CSMD2: variants seen among roughly 807,000 people sequenced by gnomAD.
CSMD2 encodes the protein CUB and Sushi multiple domains 2, also known as CUB and sushi domain-containing protein 2.
In CSMD2, 130 loss-of-function variants were observed where a neutral mutation model predicts 398.5. The ratio of observed to expected loss-of-function variants is 0.33; its 90% CI spans 0.28 to 0.38. The LOEUF is 0.38. Ranked by LOEUF, CSMD2 falls within the 10% of genes least tolerant of loss-of-function variation. The pLI, the probability that CSMD2 is intolerant of heterozygous loss-of-function variation, is 1.00. For missense variants in CSMD2, 3,829 were observed against 4,764.9 expected, an observed-to-expected ratio of 0.80 and a Z score of 5.78; for synonymous variants, 1,828 against 1,908.5, an observed-to-expected ratio of 0.96 and a Z score of 1.10.
chr1:33,553,284 T>C (rs763592104), intron 55 of CSMD2, among the ~76,000 whole-genome samples: 6 of 152,226 alleles, frequency 3.9e-5, no homozygotes, highest in Admixed American at 2.0e-4. Flanking sequence ...ATTCTCACAA[T>C]ATTTCAAACG....
chr1:33,777,610 C>T (rs1235156758), intron 12 of CSMD2, among the ~76,000 whole-genome samples: 1 of 152,184 alleles, frequency 6.6e-6, no homozygotes, highest in East Asian at 1.9e-4. Context: ...AGAAAAATCA[C>T]ACATGCAATT....
At chr1:33,652,188 T>C in intron 28 of CSMD2, 135 bp downstream of exon 28, 4 of 855,806 alleles carry the variant, frequency 4.7e-6, no homozygotes, top group Middle Eastern at 2.6e-4. Context: ...CTAGTTTCTC[T>C]CTCTCTCGGC....
intron 1 of CSMD2, among the ~76,000 whole-genome samples, chr1:34,134,958 C>T (rs1004579246): frequency 6.6e-5 from 10 of 152,050 alleles, no homozygotes; most frequent in African/African-American, 2.4e-4. Flanking sequence ...TCAGCATCAC[C>T]GGAGAACTTG....
At chr1:34,066,036 G>T (rs527734803) in intron 2 of CSMD2, among the ~76,000 whole-genome samples, 1 of 152,124 alleles carries the variant, frequency 6.6e-6, no homozygotes, top group Non-Finnish European at 1.5e-5. Flanking sequence ...CTGTGTGACC[G>T]TAGGAAGACA....
At chr1:33,904,334 G>C (rs1479298463) in intron 5 of CSMD2, among the ~76,000 whole-genome samples, 1 of 152,198 alleles carries the variant, frequency 6.6e-6, no homozygotes, top group African/African-American at 2.4e-5. Context: ...TATGAGTGGG[G>C]AGGGGATGAG....
chr1:34,158,256 C>T (rs555420423), intron 1 of CSMD2, among the ~76,000 whole-genome samples: 26 of 152,168 alleles, frequency 1.7e-4, no homozygotes, highest in Non-Finnish European at 1.0e-4. Flanking sequence ...CTTCTCAAAG[C>T]GAGTGAACCC....
intron 2 of CSMD2, among the ~76,000 whole-genome samples, chr1:34,077,351 G>C (rs974949775): frequency 4.0e-5 from 6 of 149,544 alleles, no homozygotes; most frequent in African/African-American, 1.5e-4. Flanking sequence ...CAGCTACTCG[G>C]GAGGCTGAGG....
At chr1:34,082,166 C>T in intron 2 of CSMD2, among the ~76,000 whole-genome samples, 1 of 150,318 alleles carries the variant, frequency 6.7e-6, no homozygotes, top group African/African-American at 2.5e-5. Context: ...TGCCCGGCCG[C>T]CCCGTCTGGG....
At chr1:34,014,638 C>T (rs193253488) in intron 3 of CSMD2, among the ~76,000 whole-genome samples, 2 of 152,374 alleles carry the variant, frequency 1.3e-5, no homozygotes, top group Admixed American at 1.3e-4. Context: ...GCAGTTGTCA[C>T]AGTTGTCTGA....
At chr1:34,136,385 A>C (rs534251686) in intron 1 of CSMD2, among the ~76,000 whole-genome samples, 5 of 152,322 alleles carry the variant, frequency 3.3e-5, no homozygotes, top group African/African-American at 9.6e-5. Context: ...AGTGTGAACA[A>C]GTGTTATCTA....
intron 27 of CSMD2, among the ~76,000 whole-genome samples, chr1:33,656,637 T>C (rs1643955035): frequency 6.6e-6 from 1 of 152,174 alleles, no homozygotes; most frequent in Non-Finnish European, 1.5e-5. Context: ...GGAAGCCCCT[T>C]ACACCCATCT....
rs188801929 is a variant in CSMD2, at chr1:34,162,007, T to C, written c.187+2904A>G. Reference sequence around the variant, plus strand: ...CCAACATGGAGAAACCCCCCTTCTCTATTAAAAATACAAAATTAGCTGGGC... The same window carrying C: ...CCAACATGGAGAAACCCCCCTTCTCCATTAAAAATACAAAATTAGCTGGGC... On this transcript the variant is annotated intron_variant, in intron 1 of 70. Coordinates refer to ENST00000373381, the MANE Select transcript of CSMD2 (RefSeq NM_001281956.2). Among the ~76,000 whole-genome samples, 410 of 151,914 alleles carry C rather than the reference T, an allele frequency of 2.7e-3. 4 individuals carry two copies. The highest frequency in any genetic ancestry group is 9.3e-3 in the African/African-American group (385 of 41,408).
chr1:33,698,134 C>T (rs1453513795), intron 24 of CSMD2, among the ~76,000 whole-genome samples: 1 of 152,224 alleles, frequency 6.6e-6, no homozygotes, highest in African/African-American at 2.4e-5. Flanking sequence ...TTTTGCACTT[C>T]TGCCTCAGAT....
chr1:33,759,790 C>T (rs560184742), intron 13 of CSMD2, among the ~76,000 whole-genome samples: 4 of 152,304 alleles, frequency 2.6e-5, no homozygotes, highest in African/African-American at 7.2e-5. Flanking sequence ...AGGGTACCCA[C>T]GTAACATATT....
chr1:33,677,338 CA>C (rs1359219857), intron 25 of CSMD2, among the ~76,000 whole-genome samples: 3 of 152,188 alleles, frequency 2.0e-5, no homozygotes, highest in Non-Finnish European at 1.5e-5. Context: ...GACATTTATG[CA>C]GTCAAAAAAC....
rs571561090 is a variant in CSMD2 at position 34,047,084 on chromosome 1, C to T, written c.405-14378G>A. Among the ~76,000 whole-genome samples the T allele has an allele frequency of 2.0e-5, 3 of 152,218 alleles. No individual in the cohort carries two copies. The East Asian group carries it at 5.8e-4, about 29-fold the overall frequency. ...TTGAAACCCTTCCAAAAGCATCCCA[C>T]TCGATTTGGGATAAAAGCCAAAGTC... is the stretch of plus-strand genomic sequence containing the variant. On this transcript the variant is annotated intron_variant, in intron 2 of 70. Coordinates refer to ENST00000373381, the MANE Select transcript of CSMD2 (RefSeq NM_001281956.2).
chr1:33,534,852 A>G (rs1655616439), intron 62 of CSMD2, among the ~76,000 whole-genome samples: 1 of 152,194 alleles, frequency 6.6e-6, no homozygotes, highest in Non-Finnish European at 1.5e-5. Flanking sequence ...CAACCCATCA[A>G]TGAGTCCTCT....
chr1:33,731,025 AGAT>A (rs1287122271), intron 15 of CSMD2, among the ~76,000 whole-genome samples: 1 of 152,218 alleles, frequency 6.6e-6, no homozygotes, highest in Non-Finnish European at 1.5e-5. Flanking sequence ...AAAATGTACA[AGAT>A]GATGTTAGGC....
intron 43 of CSMD2, among the ~76,000 whole-genome samples, chr1:33,601,908 G>C (rs972909291): frequency 3.3e-5 from 5 of 152,230 alleles, no homozygotes; most frequent in African/African-American, 1.2e-4. Flanking sequence ...CATAGACATA[G>C]AACAGTTCCA....
Sources: allele counts gnomAD v4.1 joint callset (sites outside exome capture counted in the v4.1 genomes callset), GRCh38; gene constraint gnomAD v4.1.1; transcripts MANE v1.5; gene names NCBI Gene and HGNC (gene_info 2026-07-23, HGNC 2026-07-21).